TDRD5: variants seen among roughly 807,000 people sequenced by gnomAD.
TDRD5 encodes tudor domain containing 5.
In TDRD5, 41 loss-of-function variants were observed where a neutral mutation model predicts 120.6. That is an observed-to-expected ratio of 0.34 (90% CI 0.26 to 0.44). The LOEUF is 0.44. TDRD5 is among the 20% of genes least tolerant of loss of function. The probability of loss-of-function intolerance (pLI) is 1.00; values close to 1 mark genes in which losing one functional copy is unlikely to be tolerated. For synonymous variants in TDRD5, 430 were observed against 433.7 expected (o/e 0.99, Z 0.11); for missense variants, 1,006 against 1,221.2 (o/e 0.82, Z 2.63).
intron 11 of TDRD5, among the ~76,000 whole-genome samples, chr1:179,649,124 G>T (rs1678570816): frequency 6.6e-6 from 1 of 152,064 alleles, no homozygotes; most frequent in Admixed American, 6.5e-5. Flanking sequence ...TGTCCTTTCT[G>T]TCTCTAGGTG....
chr1:179,601,770 T>C (rs1376805047), intron 4 of TDRD5, among the ~76,000 whole-genome samples: 1 of 152,244 alleles, frequency 6.6e-6, no homozygotes, highest in Non-Finnish European at 1.5e-5. Context: ...TCTGGGTAGA[T>C]ACCCAGTAGT....
At chr1:179,667,708 C>G (rs1679628991) in intron 16 of TDRD5, among the ~76,000 whole-genome samples, 2 of 152,036 alleles carry the variant, frequency 1.3e-5, no homozygotes, top group Non-Finnish European at 2.9e-5. Context: ...AATTTGAGTC[C>G]AGGTCTTTGG....
In TDRD5 at chr1:179,669,345, C is replaced by T. The variant is rs1411128916; in HGVS notation, c.2801C>T (p.Thr934Ile). 1 of 1,614,206 alleles carries T rather than the reference C, an allele frequency of 6.2e-7. No homozygotes were observed. Among genetic ancestry groups the T allele is most frequent in the Admixed American group, 1.7e-5 (1 of 60,026 alleles). ...QTQPKQIQLS[T>I]AAPCSTTAVD... is the part of the protein sequence containing the mutation. ...CAGCCAAAGCAAATTCAGCTTTCCA[C>T]AGCAGCACCCTGTTCAACAACTGCA... The change falls in exon 17 of 18, where the codon ACA becomes ATA. Residue 934 changes from threonine to isoleucine, a missense_variant. Physicochemically the swap from Thr to Ile is moderately conservative, Grantham distance 89. This residue lies in a region of TDRD5 where 403 missense variants were observed against 448.1 expected (regional missense o/e 0.90). Transcript: ENST00000444136.
intron 6 of TDRD5, among the ~76,000 whole-genome samples, chr1:179,625,222 G>A (rs1157610968): frequency 1.3e-5 from 2 of 150,558 alleles, no homozygotes; most frequent in African/African-American, 2.4e-5. Context: ...AAAAATTAAA[G>A]GTCTAAAACT....
At chr1:179,615,151 A>T (rs1676495753) in intron 4 of TDRD5, among the ~76,000 whole-genome samples, 1 of 152,054 alleles carries the variant, frequency 6.6e-6, no homozygotes, top group Admixed American at 6.6e-5. Flanking sequence ...AATAATTGTA[A>T]TTACATATAT....
At chr1:179,610,263 T>C (rs1676211559) in intron 4 of TDRD5, among the ~76,000 whole-genome samples, 2 of 152,242 alleles carry the variant, frequency 1.3e-5, no homozygotes, top group Admixed American at 1.3e-4. Flanking sequence ...TGTTGCTTTC[T>C]TAGTAATTTT....
chr1:179,686,744 T>C (rs1680742028), intron 17 of TDRD5, among the ~76,000 whole-genome samples: 1 of 152,226 alleles, frequency 6.6e-6, no homozygotes, highest in Admixed American at 6.5e-5. Context: ...TATACAGGGA[T>C]TCAACTTCTT....
intron 4 of TDRD5, among the ~76,000 whole-genome samples, chr1:179,597,661 G>A (rs1675478285): frequency 6.6e-6 from 1 of 152,098 alleles, no homozygotes; most frequent in Admixed American, 6.5e-5. Flanking sequence ...CCTATCTAAT[G>A]GATTTTAATC....
rs1333839733 is a variant in TDRD5 at position 179,647,754 on chromosome 1, AAAAC to A, written c.1801-3106_1801-3103del. ...TGAACTCAAACAAATTTACAAGAAA[AAAAC>A]AAACAACCCCATCAAAAAGTGGGCA... On this transcript the variant is annotated intron_variant, in intron 11 of 17. Coordinates refer to ENST00000444136, the MANE Select transcript of TDRD5 (RefSeq NM_001199085.3). Among the ~76,000 whole-genome samples the A allele has an allele frequency of 2.7e-3, 412 of 150,744 alleles. 1 individual carries two copies. The highest frequency in any genetic ancestry group is 8.5e-3 in the African/African-American group (351 of 41,076).
At chr1:179,643,610 A>G (rs1678170529) in intron 11 of TDRD5, among the ~76,000 whole-genome samples, 1 of 117,022 alleles carries the variant, frequency 8.5e-6, no homozygotes, top group Non-Finnish European at 1.8e-5. Context: ...GGAGGAGTCT[A>G]TGAACTTTAA....
chr1:179,636,914 A>G (rs2102017499), intron 9 of TDRD5, among the ~76,000 whole-genome samples: 1 of 152,350 alleles, frequency 6.6e-6, no homozygotes, highest in East Asian at 1.9e-4. Context: ...TCTTTCAAGC[A>G]AAACTGATAT....
At chr1:179,656,016 A>G (rs1227176668) in intron 14 of TDRD5, among the ~76,000 whole-genome samples, 2 of 152,326 alleles carry the variant, frequency 1.3e-5, no homozygotes, top group African/African-American at 2.4e-5. Flanking sequence ...GTGTATGTCA[A>G]ACTTTTTTCC....
chr1:179,628,340 T>C (rs1677251610), intron 6 of TDRD5, among the ~76,000 whole-genome samples: 1 of 144,880 alleles, frequency 6.9e-6, no homozygotes, highest in Non-Finnish European at 1.5e-5. Flanking sequence ...TTTTTTTTTT[T>C]TTTTTTTTTT....
At chr1:179,688,941 T>TAAA (rs1680928988) in intron 17 of TDRD5, among the ~76,000 whole-genome samples, 1 of 152,214 alleles carries the variant, frequency 6.6e-6, no homozygotes, top group Non-Finnish European at 1.5e-5. Context: ...AGTTAGCCAT[T>TAAA]CATCTAATCT....
In TDRD5 at chr1:179,601,995, G is replaced by A. The variant is rs4448482; in HGVS notation, c.831+6177G>A. On this transcript the variant is annotated intron_variant, in intron 4 of 17. Coordinates refer to ENST00000444136, the MANE Select transcript of TDRD5 (RefSeq NM_001199085.3). ...TAATTTTTTGTATTTTAGTAGATAT[G>A]GGGTTTCACCATGTTGTCCAGGCTG... is the stretch of plus-strand genomic sequence containing the variant. Among the ~76,000 whole-genome samples the A allele has an allele frequency of 2.7e-3, 418 of 152,292 alleles. 3 individuals are homozygous for A. Among genetic ancestry groups the A allele is most frequent in the African/African-American group, 9.5e-3 (394 of 41,566 alleles).
At chr1:179,662,048 G>T in intron 14 of TDRD5, 56 bp from the exon 15 acceptor site, 1 of 1,403,488 alleles carries the variant, frequency 7.1e-7, no homozygotes. Context: ...TAAATTTTAT[G>T]TGCTCATATA....
Position 179,690,728 on chromosome 1 carries a change from GATTTTTCTAGCA to G in TDRD5, c.2894_2905del (p.Asp965_Ser969delinsGly). ...CTCACCAGAGATCCTAAAGAATGAA[GATTTTTCTAGCA>G]GCCGTGCTATTACATTGTACAAAGA... On this transcript the variant is annotated inframe_deletion, in exon 18 of 18. Transcript: ENST00000444136. 6.2e-7 allele frequency: 1 copy of G among 1,614,050 alleles called. No homozygotes were observed. The highest frequency in any genetic ancestry group is 1.1e-5 in the South Asian group (1 of 91,068).
chr1:179,633,230 A>G (rs1212244750), intron 7 of TDRD5, among the ~76,000 whole-genome samples: 1 of 152,202 alleles, frequency 6.6e-6, no homozygotes, highest in Non-Finnish European at 1.5e-5. Flanking sequence ...ACTGATGGAC[A>G]TTAGGATTGT....
intron 14 of TDRD5, among the ~76,000 whole-genome samples, chr1:179,660,311 T>G (rs145300724): frequency 0.012 from 1,614 of 139,456 alleles, 17 homozygotes; most frequent in Non-Finnish European, 0.014. Context: ...GCTCTGCCTC[T>G]CAGGTTCACG....
Sources: allele counts gnomAD v4.1 joint callset (sites outside exome capture counted in the v4.1 genomes callset), GRCh38; gene constraint gnomAD v4.1.1; regional missense constraint gnomAD v4.1.1; transcripts MANE v1.5; gene names NCBI Gene and HGNC (gene_info 2026-07-23, HGNC 2026-07-21).